Variants in TMEM132E observed in about 807,000 individuals in gnomAD.
TMEM132E encodes transmembrane protein 132E.
Under a neutral mutation model 78.5 loss-of-function variants are expected in TMEM132E, and 49 were observed. That is an observed-to-expected ratio of 0.62 (90% confidence interval 0.50 to 0.79). TMEM132E has a LOEUF of 0.79. TMEM132E is among the 30% of genes least tolerant of loss of function. The pLI, the probability that TMEM132E is intolerant of heterozygous loss-of-function variation, is 0.00. For missense variants in TMEM132E, 1,403 were observed against 1,470.9 expected, an observed-to-expected ratio of 0.95 and a Z score of 0.75; for synonymous variants, 715 against 670.6, an observed-to-expected ratio of 1.07 and a Z score of -1.02.
chr17:34,634,736 G>A lies in TMEM132E; in HGVS notation c.1689-63G>A, dbSNP rs886677707. 3 of 1,529,450 alleles carry A rather than the reference G, an allele frequency of 2.0e-6. No individual in the cohort carries two copies. In the African/African-American group the frequency reaches 4.1e-5, roughly 21 times the overall value. The allele number at this position is 1,529,450 out of a possible 1,614,324, so 94.7% of individuals were successfully genotyped here. On this transcript the variant is annotated intron_variant, in intron 6 of 8. Transcript: ENST00000631683. ...GGACCCAACAGGGCAAGGGTGCGGG[G>A]TGTGTACTGTGCAGGTCAGAGTCCA...
Position 34,638,398 on chromosome 17 carries a change from C to A in TMEM132E, c.*166C>A. The A allele has an allele frequency of 1.5e-6, 1 of 687,122 alleles. No individual in the cohort carries two copies. The highest frequency in any genetic ancestry group is 2.3e-6 in the Non-Finnish European group (1 of 427,638). 42.6% of individuals were successfully genotyped at this position (687,122 alleles called of 1,614,324 possible). A position where few individuals can be genotyped will look rare whatever the true frequency, so the allele number is the denominator to read the frequency against. On this transcript the variant is annotated 3_prime_UTR_variant, in exon 9 of 9. Transcript: ENST00000631683. Reference sequence around the variant, plus strand: ...GGAGCGGGCCGCCTCAGTGTCTGGGCCTTCCCTCGCCTCACGCCATTACCC... The same window carrying A: ...GGAGCGGGCCGCCTCAGTGTCTGGGACTTCCCTCGCCTCACGCCATTACCC...
At chr17:34,635,957 GGGGGT>G (rs751988041) in intron 7 of TMEM132E, 45 bp from the exon 8 acceptor site, 7 of 1,333,310 alleles carry the variant, frequency 5.3e-6, no homozygotes, top group Non-Finnish European at 6.8e-6. Flanking sequence ...TCTTGGGCAG[GGGGGT>G]GTGCTTTCCT....
In TMEM132E at chr17:34,636,170, C is replaced by T. The variant is rs1907516684; in HGVS notation, c.2141C>T (p.Ala714Val). The T allele has an allele frequency of 6.5e-7, 1 of 1,534,504 alleles. No individual in the cohort carries two copies. The highest frequency in any genetic ancestry group is 8.8e-7 in the Non-Finnish European group (1 of 1,142,284). ...SSHTILATTA[A>V]QQTLSFLKQE... ...CACACCATCCTAGCCACCACAGCTG[C>T]CCAACAGACCTTGAGCTTCCTCAAG... The change falls in exon 8 of 9, where the codon GCC (alanine) becomes GTC (valine). Residue 714 changes from alanine (A) to valine (V), a missense_variant. By Grantham distance (64) the Ala-to-Val change is moderately conservative (BLOSUM62 0). Around this residue, in one of 3 missense-constraint regions of TMEM132E, gnomAD observed 888 missense variants for 952.8 expected, o/e 0.93. Coordinates refer to ENST00000631683, the MANE Select transcript of TMEM132E (RefSeq NM_001304438.2).
Position 34,626,444 on chromosome 17 carries a change from T to G in TMEM132E, c.385T>G (p.Phe129Val), listed in dbSNP as rs776690930. Residue 129 changes from phenylalanine (F) to valine (V), a missense_variant, in exon 2 of 9, where the codon TTC (phenylalanine) becomes GTC (valine). By Grantham distance (50) the Phe-to-Val change is conservative. This residue lies in a region of TMEM132E where 511 missense variants were observed against 499.0 expected (regional missense o/e 1.02). Coordinates refer to ENST00000631683, the MANE Select transcript of TMEM132E (RefSeq NM_001304438.2). ...GACGGTGAACTGGAAGGTGCGGGCC[T>G]TCATCGTCCGCTCGCACGTGCCCGC... ...RLTVNWKVRA[F>V]IVRSHVPASQ... 1 of 1,613,210 alleles carries G rather than the reference T, an allele frequency of 6.2e-7. No individual in the cohort carries two copies. Among genetic ancestry groups the G allele is most frequent in the South Asian group, 1.1e-5 (1 of 91,032 alleles).
intron 1 of TMEM132E, among the ~76,000 whole-genome samples, chr17:34,618,751 A>G (rs1906862604): frequency 6.6e-6 from 1 of 152,148 alleles, no homozygotes; most frequent in African/African-American, 2.4e-5. Context: ...AAAAAATGAA[A>G]CATCTTTCTC....
intron 1 of TMEM132E, among the ~76,000 whole-genome samples, chr17:34,605,608 A>C (rs990958471): frequency 6.6e-6 from 1 of 152,202 alleles, no homozygotes; most frequent in Non-Finnish European, 1.5e-5. Flanking sequence ...CCCCACCATC[A>C]GCACCAGGAT....
chr17:34,582,353 C>T (rs1437378343), intron 1 of TMEM132E, among the ~76,000 whole-genome samples: 1 of 152,086 alleles, frequency 6.6e-6, no homozygotes, highest in Non-Finnish European at 1.5e-5. Context: ...GGTCTCTAAC[C>T]AGCGGCCTCT....
At chr17:34,637,091 C>G in intron 8 of TMEM132E, 86 bp from the exon 9 acceptor site, 1 of 1,222,970 alleles carries the variant, frequency 8.2e-7, no homozygotes, top group South Asian at 1.4e-5. Flanking sequence ...ACCCGTGGTC[C>G]CTGCCCCTAC....
At chr17:34,608,847 G>A (rs749367780) in intron 1 of TMEM132E, among the ~76,000 whole-genome samples, 1 of 152,136 alleles carries the variant, frequency 6.6e-6, no homozygotes, top group Non-Finnish European at 1.5e-5. Flanking sequence ...ATGTCCAGCC[G>A]AATACCCCGT....
chr17:34,612,427 G>T lies in TMEM132E; in HGVS notation c.68-13700G>T, dbSNP rs183615549. Among the ~76,000 whole-genome samples the T allele has an allele frequency of 5.3e-3, 814 of 152,280 alleles. 3 individuals carry two copies. The highest frequency in any genetic ancestry group is 8.7e-3 in the Non-Finnish European group (591 of 68,026). ...AAATGCCCTGGCTTTTCCAGCAGGG[G>T]CCTTGGCTTATGGGACCCAACTGTG... On this transcript the variant is annotated intron_variant, in intron 1 of 8. Transcript: ENST00000631683.
chr17:34,609,796 G>A (rs1359201684), intron 1 of TMEM132E, among the ~76,000 whole-genome samples: 2 of 152,168 alleles, frequency 1.3e-5, no homozygotes, highest in African/African-American at 4.8e-5. Context: ...CCTCTGCAGA[G>A]CCCCAGGGCT....
chr17:34,590,982 G>A (rs1480834338), intron 1 of TMEM132E, among the ~76,000 whole-genome samples: 2 of 152,062 alleles, frequency 1.3e-5, no homozygotes, highest in Admixed American at 6.5e-5. Flanking sequence ...AGAGCTCACC[G>A]TTAGAACCAG....
intron 1 of TMEM132E, among the ~76,000 whole-genome samples, chr17:34,604,350 C>T (rs1287966280): frequency 6.6e-6 from 1 of 152,182 alleles, no homozygotes; most frequent in Non-Finnish European, 1.5e-5. Flanking sequence ...TCTTGGTCTC[C>T]CCAGCACACC....
intron 1 of TMEM132E, among the ~76,000 whole-genome samples, chr17:34,583,015 A>G (rs1277654064): frequency 6.6e-6 from 1 of 152,166 alleles, no homozygotes; most frequent in Non-Finnish European, 1.5e-5. Context: ...TGTTCCTAAG[A>G]CGCAGTTCCA....
chr17:34,598,905 G>A (rs764427539), intron 1 of TMEM132E, among the ~76,000 whole-genome samples: 6 of 152,170 alleles, frequency 3.9e-5, no homozygotes, highest in South Asian at 2.1e-4. Flanking sequence ...GATGCTGAGC[G>A]ATCCAGTCCA....
chr17:34,614,555 T>C (rs1906716171), intron 1 of TMEM132E: 2 of 152,194 alleles, frequency 1.3e-5, no homozygotes, highest in Admixed American at 6.5e-5. Flanking sequence ...AAATCACAGA[T>C]GCAGACAGAC....
intron 8 of TMEM132E, 64 bp from the exon 9 acceptor site, chr17:34,637,113 T>C (rs562143442): frequency 2.8e-5 from 40 of 1,448,654 alleles, no homozygotes; most frequent in Middle Eastern, 3.7e-4. Context: ...GAGCCCAGGA[T>C]CTAGCAGGAA....
intron 1 of TMEM132E, among the ~76,000 whole-genome samples, chr17:34,588,257 A>G (rs1401996034): frequency 1.3e-5 from 2 of 152,112 alleles, no homozygotes; most frequent in African/African-American, 4.8e-5. Context: ...GCCCATCCCT[A>G]TTCTAAGAAC....
intron 1 of TMEM132E, among the ~76,000 whole-genome samples, chr17:34,608,555 T>A (rs2142064907): frequency 6.6e-6 from 1 of 152,324 alleles, no homozygotes; most frequent in Non-Finnish European, 1.5e-5. Context: ...ACTTAGCATA[T>A]CTGTACTCAT....
Sources: allele counts gnomAD v4.1 joint callset (sites outside exome capture counted in the v4.1 genomes callset), GRCh38; gene constraint gnomAD v4.1.1; regional missense constraint gnomAD v4.1.1; transcripts MANE v1.5; gene names NCBI Gene and HGNC (gene_info 2026-07-23, HGNC 2026-07-21).